RSBN1: variants seen among roughly 807,000 people sequenced by gnomAD.
The protein encoded by RSBN1 is lysine-specific demethylase 9.
Under a neutral mutation model 74.8 loss-of-function variants are expected in RSBN1, and 23 were observed. The ratio of observed to expected loss-of-function variants is 0.31; its 90% CI spans 0.22 to 0.44. The LOEUF (loss-of-function observed/expected upper bound fraction) is 0.44. Ranked by LOEUF, RSBN1 falls within the 20% of genes least tolerant of loss-of-function variation. The pLI, the probability that RSBN1 is intolerant of heterozygous loss-of-function variation, is 1.00. For synonymous variants in RSBN1, 407 were observed against 379.6 expected, an observed-to-expected ratio of 1.07 and a Z score of -0.84; for missense variants, 808 against 1,020.9, an observed-to-expected ratio of 0.79 and a Z score of 2.84.
chr1:113,783,288 G>T (rs1660172040), intron 2 of RSBN1, among the ~76,000 whole-genome samples: 1 of 151,592 alleles, frequency 6.6e-6, no homozygotes, highest in Non-Finnish European at 1.5e-5. Context: ...AAAAAAAGGG[G>T]TGGAGGGGGA....
At chr1:113,803,514 A>G (rs1029153887) in intron 1 of RSBN1, among the ~76,000 whole-genome samples, 1 of 152,250 alleles carries the variant, frequency 6.6e-6, no homozygotes, top group Admixed American at 6.5e-5. Context: ...ACTGCTTCTC[A>G]TTGGTAAAAC....
At chr1:113,803,658 T>C (rs536704389) in intron 1 of RSBN1, among the ~76,000 whole-genome samples, 1 of 152,062 alleles carries the variant, frequency 6.6e-6, no homozygotes, top group Non-Finnish European at 1.5e-5. Flanking sequence ...CCAAAAACAG[T>C]TGAATTCTAG....
At chr1:113,804,092 A>G (rs1660646856) in intron 1 of RSBN1, among the ~76,000 whole-genome samples, 2 of 151,980 alleles carry the variant, frequency 1.3e-5, no homozygotes, top group Non-Finnish European at 2.9e-5. Context: ...TCACTTCACT[A>G]CACTCCAGCC....
At position 113,812,401 on chromosome 1, in the gene RSBN1, A is replaced by T; in HGVS notation, c.12T>A (p.Ser4=). The T allele has an allele frequency of 6.3e-7, 1 of 1,598,454 alleles. No homozygotes were observed. The highest frequency in any genetic ancestry group is 8.5e-7 in the Non-Finnish European group (1 of 1,178,006). The change falls in exon 1 of 7, where the codon TCT becomes TCA. Residue 4 remains serine, a synonymous_variant. Transcript: ENST00000261441. ...TCCACTTGTCGGCCGTTCTTCGTCC[A>T]GAGATGAACATGCCGGAAGCGGCCG... MFI[S]GRRTADKWRA...
intron 4 of RSBN1, among the ~76,000 whole-genome samples, chr1:113,769,995 A>G (rs1182957905): frequency 6.6e-6 from 1 of 152,140 alleles, no homozygotes; most frequent in East Asian, 1.9e-4. Context: ...ACAGAACCCT[A>G]ATTTTTATTA....
At chr1:113,800,099 C>T (rs1421137228) in intron 1 of RSBN1, among the ~76,000 whole-genome samples, 1 of 152,090 alleles carries the variant, frequency 6.6e-6, no homozygotes, top group Non-Finnish European at 1.5e-5. Context: ...AAAATCACTT[C>T]AAGTCAATTA....
intron 2 of RSBN1, among the ~76,000 whole-genome samples, chr1:113,791,332 T>C (rs1388080981): frequency 6.6e-6 from 1 of 152,210 alleles, no homozygotes; most frequent in Non-Finnish European, 1.5e-5. Flanking sequence ...TCAATACATA[T>C]GTAGTGTTTA....
intron 5 of RSBN1, among the ~76,000 whole-genome samples, chr1:113,767,771 C>T (rs1445662305): frequency 6.6e-6 from 1 of 152,156 alleles, no homozygotes; most frequent in Non-Finnish European, 1.5e-5. Context: ...TATATACATA[C>T]AATGAATTAT....
chr1:113,808,905 T>C (rs534184014), intron 1 of RSBN1, among the ~76,000 whole-genome samples: 20 of 152,310 alleles, frequency 1.3e-4, no homozygotes, highest in African/African-American at 4.8e-4. Context: ...TAAAATAGCA[T>C]ATAACTACAT....
intron 5 of RSBN1, chr1:113,767,910 T>C (rs1312144891): frequency 2.9e-5 from 6 of 204,346 alleles, no homozygotes; most frequent in Non-Finnish European, 5.0e-5. Context: ...ATATGAAATA[T>C]GTAAAGTAGT....
At chr1:113,781,552 C>T (rs2101802189) in intron 2 of RSBN1, among the ~76,000 whole-genome samples, 1 of 152,310 alleles carries the variant, frequency 6.6e-6, no homozygotes, top group East Asian at 1.9e-4. Flanking sequence ...CTACTACATT[C>T]CATATCTACA....
chr1:113,791,486 AT>A (rs1407713586), intron 2 of RSBN1, among the ~76,000 whole-genome samples: 1 of 152,192 alleles, frequency 6.6e-6, no homozygotes, highest in African/African-American at 2.4e-5. Flanking sequence ...AAAAAGCACT[AT>A]GTGGAAAACC....
Position 113,777,659 on chromosome 1 carries a change from A to C in RSBN1, c.1515+12T>G. 1 of 1,606,468 alleles carries C rather than the reference A, an allele frequency of 6.2e-7. No individual in the cohort carries two copies. Among genetic ancestry groups the C allele is most frequent in the Non-Finnish European group, 8.5e-7 (1 of 1,174,918 alleles). On this transcript the variant is annotated intron_variant, in intron 3 of 6. Transcript: ENST00000261441. ...AAAGATCAAAACTTTAATAATCTTA[A>C]TTAACACTCACTTTCAGAAATGGTG...
chr1:113,774,679 A>AAAC lies in RSBN1; in HGVS notation c.1658+2528_1658+2530dup, dbSNP rs934795623. Among the ~76,000 whole-genome samples the AAAC allele has an allele frequency of 8.6e-5, 13 of 151,854 alleles. No homozygotes were observed. The South Asian group carries it at 1.5e-3, about 17-fold the overall frequency. The stretch of plus-strand genomic sequence containing the variant: ...GTGACAGAGCAAGACTCTGTCTCAA[A>AAAC]AACAACAACAACAACAACAAAAAAC... On this transcript the variant is annotated intron_variant, in intron 4 of 6. Coordinates refer to ENST00000261441, the MANE Select transcript of RSBN1 (RefSeq NM_018364.5).
At chr1:113,787,895 A>G (rs1291888862) in intron 2 of RSBN1, among the ~76,000 whole-genome samples, 1 of 152,212 alleles carries the variant, frequency 6.6e-6, no homozygotes, top group Admixed American at 6.5e-5. Flanking sequence ...CTAATGTTTT[A>G]TAACGACTCA....
chr1:113,790,102 C>T (rs977230377), intron 2 of RSBN1, among the ~76,000 whole-genome samples: 15 of 151,620 alleles, frequency 9.9e-5, no homozygotes, highest in South Asian at 4.2e-4. Flanking sequence ...AAAAAAAAAG[C>T]GGGGGAAAGA....
chr1:113,809,405 G>A (rs1660783906), intron 1 of RSBN1, among the ~76,000 whole-genome samples: 1 of 152,166 alleles, frequency 6.6e-6, no homozygotes, highest in South Asian at 2.1e-4. Context: ...TAATACCAGA[G>A]GCATGCCTCC....
chr1:113,805,026 CTTTTT>C (rs1225512373), intron 1 of RSBN1, among the ~76,000 whole-genome samples: 2 of 151,790 alleles, frequency 1.3e-5, no homozygotes, highest in Non-Finnish European at 2.9e-5. Flanking sequence ...CCTTTCTTTC[CTTTTT>C]AACAACATAT....
At chr1:113,778,470 G>C (rs1407505083) in intron 2 of RSBN1, among the ~76,000 whole-genome samples, 1 of 151,584 alleles carries the variant, frequency 6.6e-6, no homozygotes, top group Non-Finnish European at 1.5e-5. Flanking sequence ...GCTAATTTTT[G>C]TATTTTTTTA....
Sources: allele counts gnomAD v4.1 joint callset (sites outside exome capture counted in the v4.1 genomes callset), GRCh38; gene constraint gnomAD v4.1.1; transcripts MANE v1.5; gene names NCBI Gene and HGNC (gene_info 2026-07-23, HGNC 2026-07-21).